Variants in ADH6 observed in about 807,000 individuals in gnomAD.
The protein encoded by ADH6 is alcohol dehydrogenase 6 (class V), also known as alcohol dehydrogenase 6.
ADH6 carries 34 observed loss-of-function variants against 36.5 expected under a neutral mutation model. That is an observed-to-expected ratio of 0.93 (90% CI 0.71 to 1.24). The LOEUF is 1.24. Ranked by LOEUF, ADH6 falls within the 50% of genes most tolerant of loss-of-function variation. ADH6 has a pLI of 0.00. For missense variants in ADH6, 440 were observed against 447.0 expected (o/e 0.98, Z 0.14); for synonymous variants, 161 against 155.5 (o/e 1.04, Z -0.26).
chr4:99,217,896 A>C (rs985099835), intron 1 of ADH6, among the ~76,000 whole-genome samples: 6 of 152,100 alleles, frequency 3.9e-5, no homozygotes, highest in African/African-American at 1.2e-4. Context: ...CAACGAATGG[A>C]GGCAATCATC....
intron 4 of ADH6, 50 bp from the exon 5 acceptor site, chr4:99,210,348 A>G (rs765666104): frequency 6.2e-7 from 1 of 1,600,102 alleles, no homozygotes; most frequent in South Asian, 1.1e-5. Flanking sequence ...TTTGAATTAG[A>G]AAGCTTAGAT....
At chr4:99,215,602 C>T (rs1455295796) in intron 2 of ADH6, among the ~76,000 whole-genome samples, 1 of 152,198 alleles carries the variant, frequency 6.6e-6, no homozygotes, top group East Asian at 1.9e-4. Flanking sequence ...CTGCCTCTGC[C>T]TCCCAGAGTG....
chr4:99,213,514 A>T, intron 3 of ADH6, 92 bp downstream of exon 3: 1 of 1,241,052 alleles, frequency 8.1e-7, no homozygotes, highest in Non-Finnish European at 1.1e-6. Context: ...CTTTCATTTC[A>T]CTTGATCCTG....
chr4:99,208,941 A>G lies in ADH6; in HGVS notation c.568-13T>C. Reference sequence around the variant, plus strand: ...AACCTGGAGTCACCTAAACACATACAGGCAGAAAACTCAGAAAACAAAAAG... The same window carrying G: ...AACCTGGAGTCACCTAAACACATACGGGCAGAAAACTCAGAAAACAAAAAG... On this transcript the variant is annotated splice_polypyrimidine_tract_variant and intron_variant, in intron 5 of 8. Coordinates refer to ENST00000394899, the MANE Select transcript of ADH6 (RefSeq NM_001102470.2). The G allele has an allele frequency of 6.2e-7, 1 of 1,602,358 alleles. No homozygotes were observed. The highest frequency in any genetic ancestry group is 8.5e-7 in the Non-Finnish European group (1 of 1,174,766).
chr4:99,216,158 T>TA lies in ADH6; in HGVS notation c.120+2dup. 1 of 1,302,006 alleles carries TA rather than the reference T, an allele frequency of 7.7e-7. No homozygotes were observed. The highest frequency in any genetic ancestry group is 1.6e-5 in the South Asian group (1 of 61,142). 80.7% of individuals were successfully genotyped at this position (1,302,006 alleles called of 1,614,324 possible). A position where few individuals can be genotyped will look rare whatever the true frequency, so the allele number is the denominator to read the frequency against. On this transcript the variant is annotated splice_region_variant and intron_variant, in intron 2 of 8. Coordinates refer to ENST00000394899, the MANE Select transcript of ADH6 (RefSeq NM_001102470.2). ...TGATTTTTTTTTTTTTTTTTTTTTT[T>TA]ACCTTTATGCGAACTTCCTTTGCCT... is the stretch of plus-strand genomic sequence containing the variant.
intron 8 of ADH6, chr4:99,204,656 T>TA (rs28720163): frequency 2.4e-3 from 2,686 of 1,122,292 alleles, no homozygotes; most frequent in East Asian, 2.5e-3. Context: ...ATATGTCATG[T>TA]AAAAAAAAAA....
At chr4:99,214,676 C>A (rs1731340051) in intron 2 of ADH6, among the ~76,000 whole-genome samples, 1 of 152,022 alleles carries the variant, frequency 6.6e-6, no homozygotes, top group Non-Finnish European at 1.5e-5. Context: ...TTCTTCATTT[C>A]TAAAACAAAT....
chr4:99,212,170 C>G (rs1404913879), intron 3 of ADH6, among the ~76,000 whole-genome samples: 1 of 151,978 alleles, frequency 6.6e-6, no homozygotes, highest in African/African-American at 2.4e-5. Flanking sequence ...ACTGTTGTGT[C>G]CAAGAATATA....
chr4:99,206,800 T>C (rs1442225515), intron 7 of ADH6, among the ~76,000 whole-genome samples: 2 of 152,074 alleles, frequency 1.3e-5, no homozygotes, highest in Non-Finnish European at 2.9e-5. Flanking sequence ...ATTTCTTGCT[T>C]ATGAGCCCAG....
rs1230741540 is a variant in ADH6, at chr4:99,210,095, A to G, written c.554T>C (p.Ile185Thr). ...CGFSTGFGAAINTAKVTPGST... is the reference protein window; with the variant it reads ...CGFSTGFGAATNTAKVTPGST... ...AATGCCCCTCACCTTGGCAGTATTGATTGCAGCACCAAACCCAGTGGAAAA... is the reference window on the plus strand; with the variant it reads ...AATGCCCCTCACCTTGGCAGTATTGGTTGCAGCACCAAACCCAGTGGAAAA... Residue 185 changes from isoleucine to threonine, a missense_variant, in exon 5 of 9, where the codon ATC (isoleucine) becomes ACC (threonine). By Grantham distance (89) the Ile-to-Thr change is moderately conservative (BLOSUM62 -1). Coordinates refer to ENST00000394899, the MANE Select transcript of ADH6 (RefSeq NM_001102470.2). The G allele has an allele frequency of 1.2e-6, 2 of 1,613,614 alleles. No homozygotes were observed. The highest frequency in any genetic ancestry group is 3.3e-5 in the Admixed American group (2 of 59,966).
At chr4:99,210,352 CT>C in intron 4 of ADH6, 54 bp from the exon 5 acceptor site, 2 of 1,598,084 alleles carry the variant, frequency 1.3e-6, no homozygotes, top group South Asian at 1.1e-5. Flanking sequence ...AATTAGAAAG[CT>C]TAGATCTTCT....
chr4:99,207,314 C>G (rs1280410234), intron 7 of ADH6, 132 bp downstream of exon 7: 2 of 1,189,214 alleles, frequency 1.7e-6, no homozygotes. Context: ...ATTGGGTATT[C>G]ATATGTTGAA....
At chr4:99,217,827 T>A (rs1325036483) in intron 1 of ADH6, among the ~76,000 whole-genome samples, 1 of 152,166 alleles carries the variant, frequency 6.6e-6, no homozygotes, top group Non-Finnish European at 1.5e-5. Context: ...GTGTGGGAGT[T>A]ATTTGTGATC....
intron 6 of ADH6, among the ~76,000 whole-genome samples, chr4:99,208,090 AT>A (rs1318170360): frequency 6.6e-6 from 1 of 152,082 alleles, no homozygotes; most frequent in African/African-American, 2.4e-5. Flanking sequence ...TCATGAAAAG[AT>A]TTTTTATGCT....
Position 99,213,637 on chromosome 4 carries a change from A to G in ADH6, c.231T>C (p.Ser77=). 3 of 1,612,952 alleles carry G rather than the reference A, an allele frequency of 1.9e-6. No homozygotes were observed. The highest frequency in any genetic ancestry group is 2.5e-6 in the Non-Finnish European group (3 of 1,179,674). Residue 77 remains serine, a synonymous_variant, in exon 3 of 9, where the codon AGT becomes AGC. Coordinates refer to ENST00000394899, the MANE Select transcript of ADH6 (RefSeq NM_001102470.2). ...TCACTGTGCTTACTCCTTCTCCAAT[A>G]CTCTCAACGATTCCAGCCCCTTCAT... The part of the protein sequence containing the change: ...LGHEGAGIVE[S]IGEGVSTVKP...
In ADH6 at chr4:99,210,219, T is replaced by C. The variant is rs1731174293; in HGVS notation, c.430A>G (p.Thr144Ala). 1.2e-6 allele frequency: 2 copies of C among 1,613,798 alleles called. No individual in the cohort carries two copies. The highest frequency in any genetic ancestry group is 2.2e-5 in the South Asian group (2 of 91,082). The change falls in exon 5 of 9, where the codon ACC becomes GCC. Residue 144 changes from threonine to alanine, a missense_variant. Thr to Ala is a moderately conservative substitution (Grantham distance 58). Coordinates refer to ENST00000394899, the MANE Select transcript of ADH6 (RefSeq NM_001102470.2). The stretch of plus-strand genomic sequence containing the variant: ...ACTGTGTATTCACAGAAGGTGCTGG[T>C]ATTACCAAAGTGATATATTGATTTT... ...KGKSIYHFGN[T>A]STFCEYTVIK...
intron 2 of ADH6, 149 bp downstream of exon 2, chr4:99,216,012 G>A: frequency 2.2e-6 from 1 of 449,846 alleles, no homozygotes; most frequent in Non-Finnish European, 3.8e-6. Context: ...AAAATTGATG[G>A]AAATGTTTAA....
rs1382806286 is a variant in ADH6, at chr4:99,208,709, T to C, written c.787A>G (p.Ile263Val). 1 of 1,613,738 alleles carries C rather than the reference T, an allele frequency of 6.2e-7. No homozygotes were observed. Among genetic ancestry groups the C allele is most frequent in the Non-Finnish European group, 8.5e-7 (1 of 1,179,794 alleles). Residue 263 changes from isoleucine to valine, a missense_variant, in exon 6 of 9, where the codon ATA becomes GTA. Coordinates refer to ENST00000394899, the MANE Select transcript of ADH6 (RefSeq NM_001102470.2). ...EVLFDMTDAG[I>V]DFCFEAIGNL... The stretch of plus-strand genomic sequence containing the variant: ...CCAATGGCCTCAAAGCAGAAGTCTA[T>C]ACCAGCATCTGTCATATCAAATAAA...
rs367908790 is a variant in ADH6, at chr4:99,207,472, C to T, written c.938G>A (p.Arg313His). ...TCCAAAAACAGAACCCTTCAAAGAA[C>T]GTCCTGAGAAGAACAACTGGCCACT... ...KISGQLFFSGRSLKGSVFGGW... is the reference protein window; with the variant it reads ...KISGQLFFSGHSLKGSVFGGW... Residue 313 changes from arginine (R) to histidine (H), a missense_variant, in exon 7 of 9, where the codon CGT becomes CAT. Physicochemically the swap from Arg to His is conservative, Grantham distance 29 (BLOSUM62 0). Coordinates refer to ENST00000394899, the MANE Select transcript of ADH6 (RefSeq NM_001102470.2). 28 of 1,613,560 alleles carry T rather than the reference C, an allele frequency of 1.7e-5. No individual in the cohort carries two copies. The highest frequency in any genetic ancestry group is 7.7e-5 in the South Asian group (7 of 91,066).
Sources: allele counts gnomAD v4.1 joint callset (sites outside exome capture counted in the v4.1 genomes callset), GRCh38; gene constraint gnomAD v4.1.1; transcripts MANE v1.5; gene names NCBI Gene and HGNC (gene_info 2026-07-23, HGNC 2026-07-21).